CABLES2: variants seen among roughly 807,000 people sequenced by gnomAD.
CABLES2 encodes the protein Cdk5 and Abl enzyme substrate 2.
In CABLES2, 35 loss-of-function variants were observed where a neutral mutation model predicts 44.8. The ratio of observed to expected loss-of-function variants is 0.78; its 90% CI spans 0.60 to 1.04. The LOEUF is 1.04. CABLES2 is among the 50% of genes least tolerant of loss of function. The pLI is 0.00. For missense variants in CABLES2, 566 were observed against 615.7 expected (o/e 0.92, Z 0.85); for synonymous variants, 282 against 281.1 (o/e 1.00, Z -0.03).
chr20:62,404,220 CCACATA>C (rs1988239518), intron 1 of CABLES2: 1 of 152,404 alleles, frequency 6.6e-6, no homozygotes, highest in East Asian at 1.9e-4. Flanking sequence ...CTGACTCCTG[CCACATA>C]CCTCACCAAG....
At chr20:62,399,240 A>ATATTTTATTTTATTTTATTTTATTT (rs60092988) in intron 1 of CABLES2, among the ~76,000 whole-genome samples, 80 of 149,016 alleles carry the variant, frequency 5.4e-4, no homozygotes, top group Middle Eastern at 3.5e-3. Flanking sequence ...GTGAGCCACC[A>ATATTTTATTTTATTTTATTTTATTT]TATTTTATTT....
intron 1 of CABLES2, chr20:62,405,269 C>T (rs1988260176): frequency 1.3e-5 from 2 of 152,292 alleles, no homozygotes; most frequent in African/African-American, 2.4e-5. Context: ...GCCCGCTTCC[C>T]CTGGAGTCCA....
At position 62,407,091 on chromosome 20, in the gene CABLES2, C is replaced by CG; in HGVS notation, c.185dup (p.Ser63GlufsTer94). On this transcript the variant is annotated frameshift_variant, in exon 1 of 10. Transcript: ENST00000279101. LOFTEE classifies it high-confidence loss of function. ...GCTTCTCTCCGCCCGGGCCCAGGCT[C>CG]GGGGGCCGCCCGTCCAGGGAGATGT... 9.5e-7 allele frequency: 1 copy of CG among 1,050,380 alleles called. No individual in the cohort carries two copies. 65.1% of individuals were successfully genotyped at this position (1,050,380 alleles called of 1,614,324 possible).
chr20:62,399,585 G>GTCAGGTCC (rs943577264), intron 1 of CABLES2, among the ~76,000 whole-genome samples: 1 of 138,630 alleles, frequency 7.2e-6, no homozygotes, highest in Non-Finnish European at 1.5e-5. Flanking sequence ...TGATGATGGG[G>GTCAGGTCC]TCAGGTCCTT....
Position 62,392,805 on chromosome 20 carries a change from G to A in CABLES2, c.984+115C>T, listed in dbSNP as rs568185818. The A allele has an allele frequency of 1.5e-3, 1,380 of 918,832 alleles. 3 individuals carry two copies. Among genetic ancestry groups the A allele is most frequent in the Non-Finnish European group, 2.3e-3 (1,321 of 575,704 alleles). The allele number at this position is 918,832 out of a possible 1,614,324, so 56.9% of individuals were successfully genotyped here. ...GCCACTGTCTGTGCTGCTGCGATCC[G>A]GGATGGGGGCACGTCACGCCCCTGG... is the stretch of plus-strand genomic sequence containing the variant. On this transcript the variant is annotated intron_variant, in intron 7 of 9. Transcript: ENST00000279101.
Position 62,393,491 on chromosome 20 carries a change from A to G in CABLES2, c.829T>C (p.Ser277Pro), listed in dbSNP as rs41284972. 0.078 allele frequency: 125,459 copies of G among 1,612,448 alleles called. 6,039 individuals are homozygous for G. The highest frequency in any genetic ancestry group is 0.2 in the South Asian group (17,856 of 90,782). ...TTGGTGGGGGCAGGTTTATGTCTTG[A>G]CCCTGGCAGAGTCCGGGGGACACTG... ...RPSVPRTLPG[S>P]RHKPAPTKSA... is the part of the protein sequence containing the mutation. The change falls in exon 6 of 10, where the codon TCA becomes CCA. Residue 277 changes from serine (S) to proline (P), a missense_variant. Ser to Pro is a moderately conservative substitution (Grantham distance 74). Around this residue, in one of 2 missense-constraint regions of CABLES2, gnomAD observed 436 missense variants for 536.3 expected, o/e 0.81. Transcript: ENST00000279101.
chr20:62,404,352 CAG>C (rs1988241435), intron 1 of CABLES2: 1 of 152,296 alleles, frequency 6.6e-6, no homozygotes, highest in Admixed American at 6.5e-5. Flanking sequence ...CTCAAGGTCA[CAG>C]AGGTACTGAA....
At position 62,392,427 on chromosome 20, in the gene CABLES2, C is replaced by CT; in HGVS notation, c.1052dup (p.Phe352ValfsTer40). ...TCAGCGTCAGTTTGACATGGGGGAA[C>CT]TTCTCCCTGAAGGTCTCGTTCATGT... is the stretch of plus-strand genomic sequence containing the variant. On this transcript the variant is annotated frameshift_variant, in exon 8 of 10. Transcript: ENST00000279101. LOFTEE classifies it high-confidence loss of function. The CT allele has an allele frequency of 6.2e-7, 1 of 1,614,090 alleles. No homozygotes were observed. Among genetic ancestry groups the CT allele is most frequent in the Non-Finnish European group, 8.5e-7 (1 of 1,179,984 alleles).
intron 1 of CABLES2, among the ~76,000 whole-genome samples, chr20:62,398,156 GACGGTGATGGTGGTA>G (rs2146424794): frequency 7.8e-6 from 1 of 127,450 alleles, no homozygotes; most frequent in Non-Finnish European, 1.7e-5. Flanking sequence ...TGGTGGTGGT[GACGGTGATGGTGGTA>G]ATGGTGGTGG....
At chr20:62,393,161 C>T in intron 6 of CABLES2, 138 bp from the exon 7 acceptor site, 1 of 799,508 alleles carries the variant, frequency 1.3e-6, no homozygotes, top group Non-Finnish European at 2.0e-6. Flanking sequence ...TCCTGAAGGG[C>T]CCAGGGCTTA....
In CABLES2 at chr20:62,396,263, G is replaced by A. The variant is rs140034482; in HGVS notation, c.527+52C>T. ...GCTTGGCTGACAGGGGCAGGACCCCGTGGGCTTATGGAGACCACAGCCCTG... is the reference window on the plus strand; with the variant it reads ...GCTTGGCTGACAGGGGCAGGACCCCATGGGCTTATGGAGACCACAGCCCTG... On this transcript the variant is annotated intron_variant, in intron 3 of 9. Coordinates refer to ENST00000279101, the MANE Select transcript of CABLES2 (RefSeq NM_031215.3). The surrounding 1 kb of genome is among the most constrained non-coding windows in gnomAD (Gnocchi z 5.7). The A allele has an allele frequency of 1.6e-5, 23 of 1,482,788 alleles. No homozygotes were observed. Among genetic ancestry groups the A allele is most frequent in the African/African-American group, 8.3e-5 (6 of 72,368 alleles). The allele number at this position is 1,482,788 out of a possible 1,614,324, so 91.9% of individuals were successfully genotyped here. A position where few individuals can be genotyped will look rare whatever the true frequency, so the allele number is the denominator to read the frequency against.
intron 1 of CABLES2, among the ~76,000 whole-genome samples, chr20:62,398,973 GTCTC>G (rs750076044): frequency 6.6e-6 from 1 of 152,240 alleles, no homozygotes; most frequent in African/African-American, 2.4e-5. Context: ...TTGAGATGGA[GTCTC>G]TCTCTGTCAC....
At chr20:62,395,091 A>G in intron 3 of CABLES2, 77 bp from the exon 4 acceptor site, 1 of 1,134,574 alleles carries the variant, frequency 8.8e-7, no homozygotes, top group South Asian at 1.3e-5. Context: ...AGCTACAGAC[A>G]TTTCCATGGA....
chr20:62,394,423 G>C (rs1179935814), intron 4 of CABLES2, among the ~76,000 whole-genome samples, 158 bp from the exon 5 acceptor site: 3 of 152,180 alleles, frequency 2.0e-5, no homozygotes, highest in Non-Finnish European at 4.4e-5. Flanking sequence ...GAAGGCGCAC[G>C]TCAGGAGTGC....
At position 62,396,576 on chromosome 20, in the gene CABLES2, GGGACGT is replaced by G. The variant is rs1378212812; in HGVS notation, c.373_378del (p.Thr125_Ser126del). 1 of 1,613,146 alleles carries G rather than the reference GGGACGT, an allele frequency of 6.2e-7. No homozygotes were observed. The highest frequency in any genetic ancestry group is 1.1e-5 in the South Asian group (1 of 90,988). ...TCCAGAAACTCCAGGGAGCAGCGCT[GGGACGT>G]GACTCGCTTCCTGCAAGATGACAAT... is the stretch of plus-strand genomic sequence containing the variant. On this transcript the variant is annotated inframe_deletion, in exon 2 of 10. Transcript: ENST00000279101. The surrounding 1 kb of genome is among the most constrained non-coding windows in gnomAD (Gnocchi z 5.7).
In CABLES2 at chr20:62,394,943, C is replaced by G. The variant is rs373923225; in HGVS notation, c.599G>C (p.Arg200Pro). The change falls in exon 4 of 10, where the codon CGG becomes CCG. Residue 200 changes from arginine (R) to proline (P), a missense_variant. Arg to Pro is a moderately radical substitution (Grantham distance 103). Around this residue, in one of 2 missense-constraint regions of CABLES2, gnomAD observed 436 missense variants for 536.3 expected, o/e 0.81. Coordinates refer to ENST00000279101, the MANE Select transcript of CABLES2 (RefSeq NM_031215.3). ...FSVLPYGEGL[R>P]ISDLRVDSQK... is the part of the protein sequence containing the mutation. ...GCAAGCGCTGAGTACTCACCTGATCCGCAGGCCTTCCCCATAGGGCAGGAC... is the reference window on the plus strand; with the variant it reads ...GCAAGCGCTGAGTACTCACCTGATCGGCAGGCCTTCCCCATAGGGCAGGAC... The G allele has an allele frequency of 1.9e-6, 3 of 1,612,606 alleles. No individual in the cohort carries two copies. Among genetic ancestry groups the G allele is most frequent in the Non-Finnish European group, 1.7e-6 (2 of 1,179,854 alleles).
At chr20:62,393,930 G>T (rs944627934) in intron 5 of CABLES2, among the ~76,000 whole-genome samples, 3 of 152,234 alleles carry the variant, frequency 2.0e-5, no homozygotes, top group African/African-American at 7.2e-5. Flanking sequence ...GGAGCACCTG[G>T]CTGTGGGGCA....
chr20:62,401,962 C>T (rs548814024), intron 1 of CABLES2, among the ~76,000 whole-genome samples: 1 of 152,358 alleles, frequency 6.6e-6, no homozygotes, highest in South Asian at 2.1e-4. Flanking sequence ...CGCCCCACAC[C>T]CCACATGCTG....
At position 62,393,106 on chromosome 20, in the gene CABLES2, G is replaced by A. The variant is rs2146418899; in HGVS notation, c.881-83C>T. ...CAAGGCCTGGCAGGCCAGCGCCATG[G>A]CGGGGCAAGGCCGAGCAGGGGAGGG... On this transcript the variant is annotated intron_variant, in intron 6 of 9. Coordinates refer to ENST00000279101, the MANE Select transcript of CABLES2 (RefSeq NM_031215.3). The A allele has an allele frequency of 4.0e-6, 5 of 1,236,702 alleles. No homozygotes were observed. In the East Asian group the frequency reaches 9.6e-5, roughly 24 times the overall value. 76.6% of individuals were successfully genotyped at this position (1,236,702 alleles called of 1,614,324 possible). A position where few individuals can be genotyped will look rare whatever the true frequency, so the allele number is the denominator to read the frequency against.
Sources: gnomAD v4.1 joint callset for allele counts (sites outside exome capture counted in the v4.1 genomes callset) on GRCh38, gnomAD v4.1.1 for gene constraint, gnomAD v4.1.1 regional missense constraint, Gnocchi (gnomAD v3.1) non-coding constraint, MANE v1.5 for transcripts, NCBI Gene and HGNC (gene_info 2026-07-23, HGNC 2026-07-21) for gene names.